The following TESC variants were observed in gnomAD, a reference collection of about 807,000 sequenced individuals.
TESC encodes calcineurin B homologous protein 3.
In TESC, 19 loss-of-function variants were observed where a neutral mutation model predicts 31.0. That is an observed-to-expected ratio of 0.61 (90% CI 0.43 to 0.90). The LOEUF (loss-of-function observed/expected upper bound fraction) is 0.90. Ranked by LOEUF, TESC falls within the 40% of genes least tolerant of loss-of-function variation. The pLI, the probability that TESC is intolerant of heterozygous loss-of-function variation, is 0.00. For synonymous variants in TESC, 109 were observed against 114.8 expected (o/e 0.95, Z 0.32); for missense variants, 248 against 303.8 (o/e 0.82, Z 1.36).
intron 2 of TESC, among the ~76,000 whole-genome samples, chr12:117,071,800 GCA>G (rs2135781142): frequency 6.6e-6 from 1 of 152,298 alleles, no homozygotes; most frequent in South Asian, 2.1e-4. Flanking sequence ...GGCGCCATCA[GCA>G]CAGAGAGGCC....
intron 1 of TESC, among the ~76,000 whole-genome samples, chr12:117,089,110 A>G (rs1216839947): frequency 1.3e-5 from 2 of 152,226 alleles, no homozygotes; most frequent in African/African-American, 4.8e-5. Flanking sequence ...TAAGACAGCC[A>G]TCTCTGCTAG....
chr12:117,065,847 AC>A (rs1954871251), intron 2 of TESC, among the ~76,000 whole-genome samples: 1 of 152,192 alleles, frequency 6.6e-6, no homozygotes, highest in Non-Finnish European at 1.5e-5. Context: ...GAACCACCAC[AC>A]TTCAGCTTGG....
chr12:117,079,004 G>C (rs1480939661), intron 1 of TESC, among the ~76,000 whole-genome samples: 2 of 152,128 alleles, frequency 1.3e-5, no homozygotes, highest in African/African-American at 2.4e-5. Flanking sequence ...CCCTATGAGG[G>C]ACATGCTATT....
Position 117,096,091 on chromosome 12 carries a change from C to T in TESC, c.58+3134G>A, listed in dbSNP as rs1306860719. Among the ~76,000 whole-genome samples, 3 of 152,126 alleles carry T rather than the reference C, an allele frequency of 2.0e-5. No individual in the cohort carries two copies. The East Asian group carries it at 5.8e-4, about 29-fold the overall frequency. On this transcript the variant is annotated intron_variant, in intron 1 of 7. Coordinates refer to ENST00000335209, the MANE Select transcript of TESC (RefSeq NM_017899.4). ...TTATGCAGAGAGCACCAGCGTGGAG[C>T]CTGATGCTCAGCAGGTGCTTGGGGA...
intron 2 of TESC, among the ~76,000 whole-genome samples, chr12:117,063,176 A>G (rs1338571887): frequency 6.6e-6 from 1 of 152,178 alleles, no homozygotes; most frequent in African/African-American, 2.4e-5. Context: ...CAGAGAGGCA[A>G]AGAGACTAAG....
intron 6 of TESC, among the ~76,000 whole-genome samples, chr12:117,042,454 G>T (rs1472707057): frequency 1.3e-5 from 2 of 152,230 alleles, no homozygotes; most frequent in African/African-American, 4.8e-5. Flanking sequence ...CTGATAAGAA[G>T]ATTCCAGGCT....
At chr12:117,062,194 A>C (rs1954808563) in intron 2 of TESC, among the ~76,000 whole-genome samples, 1 of 152,176 alleles carries the variant, frequency 6.6e-6, no homozygotes, top group Admixed American at 6.6e-5. Context: ...ACAACCCTAT[A>C]AAGTAGGTAC....
chr12:117,099,377 C>T lies in TESC; in HGVS notation c.-95G>A, dbSNP rs1170166704. ...GCGGGACTGGCCTCGGGTCCGGCCT[C>T]GGGTCGGGACGCCGGCGAAGGCTCG... On this transcript the variant is annotated 5_prime_UTR_variant, in exon 1 of 8. Coordinates refer to ENST00000335209, the MANE Select transcript of TESC (RefSeq NM_017899.4). 4.1e-6 allele frequency: 5 copies of T among 1,211,380 alleles called. No homozygotes were observed. Among genetic ancestry groups the T allele is most frequent in the Non-Finnish European group, 4.2e-6 (4 of 951,090 alleles). The allele number at this position is 1,211,380 out of a possible 1,614,324, so 75.0% of individuals were successfully genotyped here. A position where few individuals can be genotyped will look rare whatever the true frequency, so the allele number is the denominator to read the frequency against.
intron 1 of TESC, among the ~76,000 whole-genome samples, chr12:117,087,928 G>C (rs1461062926): frequency 6.6e-6 from 1 of 152,176 alleles, no homozygotes; most frequent in Non-Finnish European, 1.5e-5. Context: ...AATTATCTTA[G>C]TTAGTCCTCG....
At chr12:117,051,176 C>A (rs1954642499) in intron 3 of TESC, among the ~76,000 whole-genome samples, 2 of 152,190 alleles carry the variant, frequency 1.3e-5, no homozygotes, top group Non-Finnish European at 2.9e-5. Context: ...TGGGTCCCAC[C>A]CAGGGCACGA....
At chr12:117,055,533 G>A (rs1347110460) in intron 3 of TESC, among the ~76,000 whole-genome samples, 4 of 152,208 alleles carry the variant, frequency 2.6e-5, no homozygotes, top group African/African-American at 7.2e-5. Context: ...TCCCTGTGCT[G>A]TCCCCTCAAG....
chr12:117,049,211 C>G, intron 3 of TESC, 53 bp from the exon 4 acceptor site: 1 of 1,610,506 alleles, frequency 6.2e-7, no homozygotes, highest in Non-Finnish European at 8.5e-7. Flanking sequence ...TGGATCTTGT[C>G]CTCTTGCTAC....
At chr12:117,050,475 G>C (rs985031641) in intron 3 of TESC, among the ~76,000 whole-genome samples, 4 of 152,230 alleles carry the variant, frequency 2.6e-5, no homozygotes, top group Non-Finnish European at 5.9e-5. Context: ...GTTAGGGCAG[G>C]TTTGAGACTG....
intron 3 of TESC, among the ~76,000 whole-genome samples, chr12:117,054,280 A>G (rs11834817): frequency 0.45 from 68,180 of 151,422 alleles, 17,722 homozygotes; most frequent in African/African-American, 0.72. Context: ...CAGTCACAGC[A>G]CCCTCTGCAA....
intron 1 of TESC, among the ~76,000 whole-genome samples, chr12:117,089,056 T>C (rs1393923658): frequency 6.6e-6 from 1 of 152,120 alleles, no homozygotes; most frequent in Non-Finnish European, 1.5e-5. Context: ...CCTCTGCACA[T>C]CAGGTGGGTC....
chr12:117,062,125 G>GT (rs1463526907), intron 2 of TESC, among the ~76,000 whole-genome samples: 3 of 152,038 alleles, frequency 2.0e-5, no homozygotes, highest in African/African-American at 7.3e-5. Flanking sequence ...GCTAACCTAC[G>GT]TACCCTCAAA....
At chr12:117,095,847 T>A (rs1033994083) in intron 1 of TESC, among the ~76,000 whole-genome samples, 1 of 151,870 alleles carries the variant, frequency 6.6e-6, no homozygotes, top group African/African-American at 2.4e-5. Flanking sequence ...CCCCTTGCAC[T>A]CCAGCCTGGG....
intron 2 of TESC, among the ~76,000 whole-genome samples, chr12:117,060,744 G>C (rs989287297): frequency 6.6e-6 from 1 of 152,122 alleles, no homozygotes; most frequent in African/African-American, 2.4e-5. Context: ...GCCAGGTAGC[G>C]TACAGCCATG....
intron 1 of TESC, among the ~76,000 whole-genome samples, chr12:117,090,409 C>G (rs979888727): frequency 6.6e-6 from 1 of 152,156 alleles, no homozygotes; most frequent in African/African-American, 2.4e-5. Flanking sequence ...TTATAGCATG[C>G]CTTTTAAAAG....
Sources: gnomAD v4.1 joint callset for allele counts (sites outside exome capture counted in the v4.1 genomes callset) on GRCh38, gnomAD v4.1.1 for gene constraint, MANE v1.5 for transcripts, NCBI Gene and HGNC (gene_info 2026-07-23, HGNC 2026-07-21) for gene names.